ITGAE: variants seen among roughly 807,000 people sequenced by gnomAD.
ITGAE encodes integrin subunit alpha E, also known as integrin alpha-E.
A neutral mutation model predicts 136.5 loss-of-function variants in ITGAE; 99 were observed. That is an observed-to-expected ratio of 0.73 (90% CI 0.62 to 0.86). The LOEUF is 0.86. Among genes scored for constraint, ITGAE ranks in the 40% least tolerant of loss-of-function variants. The probability of loss-of-function intolerance (pLI) is 0.00; values close to 1 mark genes in which losing one functional copy is unlikely to be tolerated. For synonymous variants in ITGAE, 613 were observed against 591.8 expected (o/e 1.04, Z -0.52); for missense variants, 1,447 against 1,515.3 (o/e 0.95, Z 0.75).
chr17:3,761,207 G>A, intron 5 of ITGAE, 30 bp from the exon 6 acceptor site: 1 of 1,604,758 alleles, frequency 6.2e-7, no homozygotes. Flanking sequence ...AGAGCTCAGA[G>A]TCAGAAAGGC....
rs766423338 is a variant in ITGAE, at chr17:3,745,720, T to A, written c.2319+44A>T. ...TGCATCACCTCAAATCCTTTCTCAA[T>A]GACAAAGACCCCTCCTGACTCCCAT... On this transcript the variant is annotated intron_variant, in intron 18 of 30. Transcript: ENST00000263087. 3.8e-6 allele frequency: 6 copies of A among 1,590,666 alleles called. No homozygotes were observed. In the East Asian group the frequency reaches 1.3e-4, roughly 36 times the overall value.
At position 3,771,534 on chromosome 17, in the gene ITGAE, C is replaced by CTTT. The variant is rs71312930; in HGVS notation, c.155+6003_155+6005dup. 1.9e-3 allele frequency among the ~76,000 whole-genome samples: 232 copies of CTTT among 123,220 alleles called. 2 individuals are homozygous for CTTT. Among genetic ancestry groups the CTTT allele is most frequent in the African/African-American group, 6.7e-3 (217 of 32,526 alleles). 80.8% of individuals were successfully genotyped at this position (123,220 alleles called of 152,430 possible). A position where few individuals can be genotyped will look rare whatever the true frequency, so the allele number is the denominator to read the frequency against. ...ATGCTTATGAGGTGTGCATTTTTCTCTTTTTTTTTTTTTTTTTTTTGGAGA... is the reference window on the plus strand; with the variant it reads ...ATGCTTATGAGGTGTGCATTTTTCTCTTTTTTTTTTTTTTTTTTTTTTTGGAGA... On this transcript the variant is annotated intron_variant, in intron 2 of 30. Coordinates refer to ENST00000263087, the MANE Select transcript of ITGAE (RefSeq NM_002208.5).
intron 2 of ITGAE, among the ~76,000 whole-genome samples, chr17:3,776,872 G>A (rs1335147635): frequency 6.6e-6 from 1 of 150,632 alleles, no homozygotes; most frequent in Non-Finnish European, 1.5e-5. Flanking sequence ...TTTTTTCTTT[G>A]TTATTTTTTG....
chr17:3,792,414 G>A (rs2052964127), intron 1 of ITGAE, among the ~76,000 whole-genome samples: 1 of 152,220 alleles, frequency 6.6e-6, no homozygotes, highest in African/African-American at 2.4e-5. Flanking sequence ...ACCGCGCCCG[G>A]CCTGATATCT....
intron 29 of ITGAE, chr17:3,718,297 A>G (rs2050980407): frequency 1.3e-5 from 2 of 152,290 alleles, no homozygotes; most frequent in South Asian, 4.1e-4. Flanking sequence ...GGGAAGGCAC[A>G]TGAAGAAAAA....
intron 1 of ITGAE, among the ~76,000 whole-genome samples, chr17:3,786,732 A>C (rs1034541543): frequency 3.5e-4 from 53 of 151,906 alleles, no homozygotes; most frequent in African/African-American, 1.2e-3. Context: ...TCTACTAAAA[A>C]TGCAAAAATT....
At position 3,753,490 on chromosome 17, in the gene ITGAE, C is replaced by CTGTA. The variant is rs2051922564; in HGVS notation, c.1528-61_1528-60insTACA. The CTGTA allele has an allele frequency of 2.7e-5, 43 of 1,576,820 alleles. No individual in the cohort carries two copies. The South Asian group carries it at 4.8e-4, about 18-fold the overall frequency. On this transcript the variant is annotated intron_variant, in intron 13 of 30. Coordinates refer to ENST00000263087, the MANE Select transcript of ITGAE (RefSeq NM_002208.5). ...CCCGCTCCTGCACCCCTCAGCAAGG[C>CTGTA]TACACCCCTGCCCGCGTGCTTCCTG... is the stretch of plus-strand genomic sequence containing the variant.
At chr17:3,716,081 C>T (rs1396578865) in intron 30 of ITGAE, among the ~76,000 whole-genome samples, 1 of 149,198 alleles carries the variant, frequency 6.7e-6, no homozygotes, top group African/African-American at 2.5e-5. Flanking sequence ...CTCTTGAACC[C>T]GGGGTCAGGG....
Position 3,756,569 on chromosome 17 carries a change from A to AT in ITGAE, c.1171+414dup, listed in dbSNP as rs1293624558. Among the ~76,000 whole-genome samples the AT allele has an allele frequency of 1.1e-4, 17 of 151,658 alleles. 1 individual carries two copies. Among genetic ancestry groups the AT allele is most frequent in the East Asian group, 7.8e-4 (4 of 5,158 alleles). On this transcript the variant is annotated intron_variant, in intron 10 of 30. Coordinates refer to ENST00000263087, the MANE Select transcript of ITGAE (RefSeq NM_002208.5). ...GGCATGCACCACCACGCCTGGCTAC[A>AT]TTTTTTTGTATTTTTAGTAGAAACA...
At chr17:3,743,169 C>T (rs1181015060) in intron 19 of ITGAE, among the ~76,000 whole-genome samples, 2 of 152,244 alleles carry the variant, frequency 1.3e-5, no homozygotes, top group Non-Finnish European at 2.9e-5. Flanking sequence ...TCATCAGAGC[C>T]GCTTGCCAAG....
chr17:3,791,260 C>T (rs12051668), intron 1 of ITGAE, among the ~76,000 whole-genome samples: 6,553 of 150,986 alleles, frequency 0.043, 246 homozygotes, highest in East Asian at 0.087. Flanking sequence ...GTGGTAAGAA[C>T]ATTGTGGCTA....
chr17:3,773,064 C>T (rs1160823519), intron 2 of ITGAE, among the ~76,000 whole-genome samples: 3 of 152,182 alleles, frequency 2.0e-5, no homozygotes, highest in African/African-American at 4.8e-5. Flanking sequence ...CATCACCAGC[C>T]GCCGGTTATT....
rs763919769 is a variant in ITGAE at position 3,751,698 on chromosome 17, C to T, written c.1845G>A (p.Val615=). The T allele has an allele frequency of 6.2e-7, 1 of 1,614,020 alleles. No individual in the cohort carries two copies. The highest frequency in any genetic ancestry group is 2.2e-5 in the East Asian group (1 of 44,880). The change falls in exon 15 of 31, where the codon GTG becomes GTA. Residue 615 remains valine (V), a synonymous_variant. Coordinates refer to ENST00000263087, the MANE Select transcript of ITGAE (RefSeq NM_002208.5). ...CGTCCCAGTGTCCATTGTAGATATACACACTGCCGAAGCTGGCACCATCAT... is the reference window on the plus strand; with the variant it reads ...CGTCCCAGTGTCCATTGTAGATATATACACTGCCGAAGCTGGCACCATCAT... ...GADDGASFGS[V]YIYNGHWDGL...
At chr17:3,750,279 C>T in intron 16 of ITGAE, 73 bp downstream of exon 16, 1 of 1,575,912 alleles carries the variant, frequency 6.3e-7, no homozygotes, top group Non-Finnish European at 8.6e-7. Context: ...CTAATGTCTG[C>T]ATGGAGCTAT....
At chr17:3,729,096 C>T (rs931994666) in intron 24 of ITGAE, among the ~76,000 whole-genome samples, 5 of 151,754 alleles carry the variant, frequency 3.3e-5, no homozygotes, top group East Asian at 1.9e-4. Context: ...GTGGTCGTAG[C>T]GCAGTTGGGG....
chr17:3,725,266 T>A (rs2143008415), intron 26 of ITGAE: 1 of 1,614,216 alleles, frequency 6.2e-7, no homozygotes, highest in South Asian at 1.1e-5. Context: ...ATGTATTTGC[T>A]AAGCCCCTTA....
At chr17:3,757,170 C>A (rs370453646) in intron 9 of ITGAE, 36 bp from the exon 10 acceptor site, 2 of 1,604,774 alleles carry the variant, frequency 1.2e-6, no homozygotes, top group Admixed American at 1.7e-5. Context: ...GTCAGCGCTG[C>A]GTGGATTCCC....
At chr17:3,725,626 G>A in intron 26 of ITGAE, 2 of 1,612,572 alleles carry the variant, frequency 1.2e-6, no homozygotes, top group Non-Finnish European at 1.7e-6. Context: ...TCAGTGCACT[G>A]TGTCCAGGGA....
At chr17:3,786,292 T>C (rs567583987) in intron 1 of ITGAE, among the ~76,000 whole-genome samples, 14 of 151,446 alleles carry the variant, frequency 9.2e-5, no homozygotes, top group African/African-American at 3.2e-4. Flanking sequence ...AAAAAAGAAA[T>C]GTATCACCTG....
Sources: allele counts gnomAD v4.1 joint callset (sites outside exome capture counted in the v4.1 genomes callset), GRCh38; gene constraint gnomAD v4.1.1; transcripts MANE v1.5; gene names NCBI Gene and HGNC (gene_info 2026-07-23, HGNC 2026-07-21).